PALM2AKAP2: variants seen among roughly 807,000 people sequenced by gnomAD.
PALM2AKAP2 encodes the protein PALM2-AKAP2 fusion protein.
Under a neutral mutation model 71.5 loss-of-function variants are expected in PALM2AKAP2, and 37 were observed. That is an observed-to-expected ratio of 0.52 (90% confidence interval 0.40 to 0.68). The LOEUF (loss-of-function observed/expected upper bound fraction) is 0.68, where lower values mean the gene tolerates loss of function less well. Ranked by LOEUF, PALM2AKAP2 falls within the 30% of genes least tolerant of loss-of-function variation. The pLI, the probability that PALM2AKAP2 is intolerant of heterozygous loss-of-function variation, is 0.00. For missense variants in PALM2AKAP2, 1,224 were observed against 1,191.8 expected (o/e 1.03, Z -0.40); for synonymous variants, 468 against 478.8 (o/e 0.98, Z 0.29).
At chr9:109,922,340 T>C (rs1830850754) in intron 3 of PALM2AKAP2, among the ~76,000 whole-genome samples, 1 of 142,242 alleles carries the variant, frequency 7.0e-6, no homozygotes, top group East Asian at 2.1e-4. Context: ...GAGGATTGCT[T>C]GAGCCCAAGA....
chr9:110,041,686 G>C (rs980190360), intron 7 of PALM2AKAP2, among the ~76,000 whole-genome samples: 10 of 152,150 alleles, frequency 6.6e-5, no homozygotes, highest in Admixed American at 5.2e-4. Context: ...CCACAAACTA[G>C]GCTAAGAACC....
At chr9:109,726,553 T>G (rs140171252) in intron 1 of PALM2AKAP2, among the ~76,000 whole-genome samples, 1 of 152,232 alleles carries the variant, frequency 6.6e-6, no homozygotes, top group Non-Finnish European at 1.5e-5. Flanking sequence ...CAAATCTCTT[T>G]CCTGCTTAAA....
chr9:110,017,667 A>C (rs1833004358), intron 7 of PALM2AKAP2, among the ~76,000 whole-genome samples: 1 of 152,180 alleles, frequency 6.6e-6, no homozygotes, highest in Admixed American at 6.5e-5. Flanking sequence ...GATGTGGTAC[A>C]GACAGACATT....
At chr9:109,772,323 C>T (rs898098538) in intron 1 of PALM2AKAP2, among the ~76,000 whole-genome samples, 1 of 152,190 alleles carries the variant, frequency 6.6e-6, no homozygotes, top group Non-Finnish European at 1.5e-5. Context: ...GGCTCCCAGT[C>T]AAGCAGCCGC....
intron 1 of PALM2AKAP2, among the ~76,000 whole-genome samples, chr9:109,698,882 C>G (rs1014282991): frequency 7.2e-5 from 11 of 152,070 alleles, no homozygotes; most frequent in Non-Finnish European, 2.9e-5. Flanking sequence ...TTTTGAGAGT[C>G]AGAGAGTAAG....
chr9:109,935,274 C>G (rs1012305763), intron 6 of PALM2AKAP2, among the ~76,000 whole-genome samples: 1 of 152,218 alleles, frequency 6.6e-6, no homozygotes, highest in African/African-American at 2.4e-5. Context: ...TCTGAAAAAG[C>G]AATCTTTTAT....
At chr9:109,864,697 A>G (rs897252611) in intron 1 of PALM2AKAP2, among the ~76,000 whole-genome samples, 2 of 152,228 alleles carry the variant, frequency 1.3e-5, no homozygotes, top group Non-Finnish European at 2.9e-5. Context: ...CAATGGTAGC[A>G]TTCAGTAGTT....
At chr9:110,018,751 C>G (rs1833024144) in intron 7 of PALM2AKAP2, among the ~76,000 whole-genome samples, 1 of 152,232 alleles carries the variant, frequency 6.6e-6, no homozygotes, top group African/African-American at 2.4e-5. Context: ...GATATAACTA[C>G]AGAAAATGCT....
At chr9:109,797,290 G>A (rs1314332481) in intron 1 of PALM2AKAP2, among the ~76,000 whole-genome samples, 3 of 152,204 alleles carry the variant, frequency 2.0e-5, no homozygotes, top group Non-Finnish European at 2.9e-5. Flanking sequence ...AGAGGAGAGA[G>A]GGAGGTTGGC....
chr9:110,117,870 TATAGAG>T (rs1374384969), intron 1 of PALM2AKAP2, among the ~76,000 whole-genome samples: 2 of 102,126 alleles, frequency 2.0e-5, no homozygotes, highest in African/African-American at 6.5e-5. Flanking sequence ...GCTATATATA[TATAGAG>T]AGAGAGAGAG....
chr9:110,096,755 G>T (rs1490693028), intron 1 of PALM2AKAP2, among the ~76,000 whole-genome samples: 1 of 149,628 alleles, frequency 6.7e-6, no homozygotes, highest in Non-Finnish European at 1.5e-5. Flanking sequence ...TGCTCTTCCT[G>T]CTTTTTTCTG....
At chr9:109,885,082 G>C (rs1302778646) in intron 3 of PALM2AKAP2, among the ~76,000 whole-genome samples, 1 of 152,288 alleles carries the variant, frequency 6.6e-6, no homozygotes, top group East Asian at 1.9e-4. Flanking sequence ...TATTTCCCTA[G>C]ATACCTCCTA....
At chr9:110,024,554 T>C (rs1158251507) in intron 7 of PALM2AKAP2, among the ~76,000 whole-genome samples, 1 of 152,146 alleles carries the variant, frequency 6.6e-6, no homozygotes, top group African/African-American at 2.4e-5. Flanking sequence ...AAGGCCAAAG[T>C]GGGTAGATCA....
chr9:110,137,011 T>C (rs1235975778), exon 2 of PALM2AKAP2: 8 of 1,613,778 alleles, frequency 5.0e-6, no homozygotes, highest in Non-Finnish European at 6.8e-6. Context: ...ACGAGGAACA[T>C]CTGGAGTCGC....
At chr9:110,078,405 A>C (rs79496845) in intron 1 of PALM2AKAP2, among the ~76,000 whole-genome samples, 1 of 152,184 alleles carries the variant, frequency 6.6e-6, no homozygotes, top group Non-Finnish European at 1.5e-5. Context: ...ATATTTTCCT[A>C]TGGTGAATTT....
rs561432257 is a variant in PALM2AKAP2 at position 109,886,046 on chromosome 9, C to G, written c.257+5365C>G. ...TAATGTCAGGATTATATTTTTGGCTCCCTGGAAACCAGAATTAAAATAGGC... is the reference window on the plus strand; with the variant it reads ...TAATGTCAGGATTATATTTTTGGCTGCCTGGAAACCAGAATTAAAATAGGC... On this transcript the variant is annotated intron_variant, in intron 3 of 9. Coordinates refer to the PALM2AKAP2 transcript ENST00000302798. Among the ~76,000 whole-genome samples, 6 of 152,242 alleles carry G rather than the reference C, an allele frequency of 3.9e-5. No individual in the cohort carries two copies. The South Asian group carries it at 1.2e-3, about 32-fold the overall frequency.
chr9:110,086,671 A>G (rs1342768436), intron 1 of PALM2AKAP2, among the ~76,000 whole-genome samples: 2 of 152,190 alleles, frequency 1.3e-5, no homozygotes, highest in African/African-American at 4.8e-5. Flanking sequence ...TGGCAGCCAT[A>G]TCACTTTTGG....
At chr9:110,080,057 G>A (rs986551339) in intron 1 of PALM2AKAP2, among the ~76,000 whole-genome samples, 13 of 116,654 alleles carry the variant, frequency 1.1e-4, no homozygotes, top group African/African-American at 4.3e-4. Flanking sequence ...GTGACAGAGC[G>A]AGACTCTGTC....
chr9:109,953,741 C>T (rs1935302), intron 6 of PALM2AKAP2, among the ~76,000 whole-genome samples: 1 of 151,120 alleles, frequency 6.6e-6, no homozygotes, highest in Non-Finnish European at 1.5e-5. Context: ...AGGCTGAGGC[C>T]GGAGAATTGC....
Sources: allele counts gnomAD v4.1 joint callset (sites outside exome capture counted in the v4.1 genomes callset), GRCh38; gene constraint gnomAD v4.1.1; transcripts MANE v1.5; gene names NCBI Gene and HGNC (gene_info 2026-07-23, HGNC 2026-07-21).